Variants in MCC observed in about 807,000 individuals in gnomAD.
MCC encodes the protein colorectal mutant cancer protein.
A neutral mutation model predicts 116.2 loss-of-function variants in MCC; 90 were observed. The observed-to-expected ratio is 0.77, with a 90% CI of 0.65 to 0.92. The LOEUF is 0.92. Among genes scored for constraint, MCC ranks in the 40% least tolerant of loss-of-function variants. The probability of loss-of-function intolerance (pLI) is 0.00; values close to 1 mark genes in which losing one functional copy is unlikely to be tolerated. For missense variants in MCC, 1,516 were observed against 1,312.2 expected (o/e 1.16, Z -2.40); for synonymous variants, 578 against 510.5 (o/e 1.13, Z -1.78).
At chr5:113,413,257 C>G (rs1239099378) in intron 1 of MCC, among the ~76,000 whole-genome samples, 2 of 152,182 alleles carry the variant, frequency 1.3e-5, no homozygotes, top group African/African-American at 4.8e-5. Flanking sequence ...CTCTGCCAGC[C>G]TTTGATATCA....
chr5:113,073,478 G>C (rs924724785), intron 11 of MCC, among the ~76,000 whole-genome samples: 1 of 152,156 alleles, frequency 6.6e-6, no homozygotes, highest in Non-Finnish European at 1.5e-5. Context: ...TTCGAATAAA[G>C]AGTAAAATTT....
intron 15 of MCC, among the ~76,000 whole-genome samples, chr5:113,052,434 T>A (rs999788099): frequency 1.3e-5 from 2 of 149,874 alleles, no homozygotes; most frequent in Non-Finnish European, 3.0e-5. Context: ...GCTGCGTGGC[T>A]TGATGAAGAT....
At chr5:113,191,216 G>T (rs1330640456) in intron 3 of MCC, among the ~76,000 whole-genome samples, 1 of 152,172 alleles carries the variant, frequency 6.6e-6, no homozygotes, top group East Asian at 1.9e-4. Flanking sequence ...AGTGGGAAAG[G>T]CTGGTCTCCC....
At chr5:113,452,335 C>T (rs1468653052) in intron 1 of MCC, among the ~76,000 whole-genome samples, 1 of 152,188 alleles carries the variant, frequency 6.6e-6, no homozygotes, top group Non-Finnish European at 1.5e-5. Context: ...GTGTCCCCCC[C>T]AAATTCATAT....
chr5:113,189,314 C>T (rs747296695), intron 3 of MCC, among the ~76,000 whole-genome samples: 9 of 152,182 alleles, frequency 5.9e-5, no homozygotes, highest in Non-Finnish European at 1.3e-4. Context: ...AGACCATCTC[C>T]ATAGTTTCAT....
chr5:113,256,069 G>C lies in MCC; in HGVS notation c.627+84450C>G, dbSNP rs372952840. On this transcript the variant is annotated intron_variant, in intron 3 of 18. Transcript: ENST00000408903. ...TTGAATGCATTTATATTTTAAATTGGGTGTGTCCCTTGTTCCGAGAATTCA... is the reference window on the plus strand; with the variant it reads ...TTGAATGCATTTATATTTTAAATTGCGTGTGTCCCTTGTTCCGAGAATTCA... 3.1e-4 allele frequency among the ~76,000 whole-genome samples: 47 copies of C among 152,168 alleles called. 1 individual carries two copies. In the South Asian group the frequency reaches 3.7e-3, roughly 12 times the overall value.
chr5:113,125,448 G>A (rs1757989286), intron 5 of MCC, among the ~76,000 whole-genome samples: 1 of 152,152 alleles, frequency 6.6e-6, no homozygotes, highest in African/African-American at 2.4e-5. Flanking sequence ...GTTAAACTGA[G>A]CTTAAATATT....
chr5:113,292,314 T>C (rs1033055425), intron 3 of MCC, among the ~76,000 whole-genome samples: 1 of 151,760 alleles, frequency 6.6e-6, no homozygotes, highest in African/African-American at 2.4e-5. Flanking sequence ...TAACTAACAT[T>C]GATTGGAAAG....
intron 1 of MCC, among the ~76,000 whole-genome samples, chr5:113,471,040 T>C (rs571005773): frequency 8.5e-5 from 13 of 152,364 alleles, no homozygotes; most frequent in African/African-American, 2.6e-4. Flanking sequence ...TCAGGTCTTT[T>C]AAGGACTTCT....
chr5:113,323,564 G>C (rs1232955413), intron 3 of MCC, among the ~76,000 whole-genome samples: 2 of 152,182 alleles, frequency 1.3e-5, no homozygotes, highest in Non-Finnish European at 2.9e-5. Context: ...GGGACAGTGT[G>C]GCCAGAGCAA....
chr5:113,377,602 T>C (rs1769018429), intron 2 of MCC, among the ~76,000 whole-genome samples: 1 of 152,134 alleles, frequency 6.6e-6, no homozygotes, highest in Non-Finnish European at 1.5e-5. Context: ...ACCTAGACCA[T>C]GGTACTGCCA....
Position 113,191,519 on chromosome 5 carries a change from A to C in MCC, c.628-40097T>G, listed in dbSNP as rs192170074. Among the ~76,000 whole-genome samples, 105 of 152,250 alleles carry C rather than the reference A, an allele frequency of 6.9e-4. 1 individual carries two copies. The highest frequency in any genetic ancestry group is 2.5e-3 in the African/African-American group (103 of 41,560). On this transcript the variant is annotated intron_variant, in intron 3 of 18. Coordinates refer to ENST00000408903, the MANE Select transcript of MCC (RefSeq NM_001085377.2). The stretch of plus-strand genomic sequence containing the variant: ...GGCCATGTTCCTTTAGACAGGTGGA[A>C]GCCCTCAGCTGAGCAAAGGGGAGAA...
At chr5:113,148,651 A>G (rs1355695191) in intron 4 of MCC, among the ~76,000 whole-genome samples, 1 of 152,180 alleles carries the variant, frequency 6.6e-6, no homozygotes, top group Non-Finnish European at 1.5e-5. Flanking sequence ...TAACACCAAA[A>G]GTGCAGCACA....
At chr5:113,478,371 A>C (rs1772287035) in intron 1 of MCC, among the ~76,000 whole-genome samples, 1 of 152,232 alleles carries the variant, frequency 6.6e-6, no homozygotes, top group Non-Finnish European at 1.5e-5. Flanking sequence ...AGAAAGGAAG[A>C]TGGTAAGAAA....
rs148549426 is a variant in MCC at position 113,384,019 on chromosome 5, T to C, written c.415+949A>G. ...ACAAACCCTGAAAATTCAGATACTTTCTTCCGTCTCTTTGTCAAGGCTACC... is the reference window on the plus strand; with the variant it reads ...ACAAACCCTGAAAATTCAGATACTTCCTTCCGTCTCTTTGTCAAGGCTACC... On this transcript the variant is annotated intron_variant, in intron 2 of 18. Coordinates refer to ENST00000408903, the MANE Select transcript of MCC (RefSeq NM_001085377.2). 8.5e-5 allele frequency among the ~76,000 whole-genome samples: 13 copies of C among 152,330 alleles called. No homozygotes were observed. In the East Asian group the frequency reaches 2.3e-3, roughly 27 times the overall value.
At chr5:113,289,751 A>C (rs949642878) in intron 3 of MCC, among the ~76,000 whole-genome samples, 1 of 152,206 alleles carries the variant, frequency 6.6e-6, no homozygotes, top group Admixed American at 6.5e-5. Flanking sequence ...AGTCACTGAC[A>C]CAAGTCTTCC....
chr5:113,222,199 G>A (rs1763577004), intron 3 of MCC, among the ~76,000 whole-genome samples: 1 of 152,076 alleles, frequency 6.6e-6, no homozygotes, highest in South Asian at 2.1e-4. Flanking sequence ...CTCTTCTTTA[G>A]TCTGTTAATA....
At chr5:113,061,886 C>T (rs1481271764) in intron 14 of MCC, among the ~76,000 whole-genome samples, 1 of 152,162 alleles carries the variant, frequency 6.6e-6, no homozygotes, top group Non-Finnish European at 1.5e-5. Context: ...GGGGGAATGT[C>T]TGAGCCAGAA....
chr5:113,335,812 A>G (rs917811020), intron 3 of MCC, among the ~76,000 whole-genome samples: 1 of 151,690 alleles, frequency 6.6e-6, no homozygotes, highest in Non-Finnish European at 1.5e-5. Flanking sequence ...ATGGTTCTGT[A>G]TGGCCATGAG....
Sources: gnomAD v4.1 joint callset for allele counts (sites outside exome capture counted in the v4.1 genomes callset) on GRCh38, gnomAD v4.1.1 for gene constraint, MANE v1.5 for transcripts, NCBI Gene and HGNC (gene_info 2026-07-23, HGNC 2026-07-21) for gene names.